The following TMEM45B variants were observed in gnomAD, a reference collection of about 807,000 sequenced individuals.
TMEM45B encodes the protein transmembrane protein 45B.
A neutral mutation model predicts 27.3 loss-of-function variants in TMEM45B; 29 were observed. That is an observed-to-expected ratio of 1.06 (90% CI 0.79 to 1.45). TMEM45B has a LOEUF of 1.45. Ranked by LOEUF, TMEM45B falls within the 40% of genes most tolerant of loss-of-function variation. TMEM45B has a pLI of 0.00. For missense variants in TMEM45B, 348 were observed against 343.9 expected, an observed-to-expected ratio of 1.01 and a Z score of -0.09; for synonymous variants, 143 against 134.7, an observed-to-expected ratio of 1.06 and a Z score of -0.43.
chr11:129,857,694 G>T (rs912400800), intron 5 of TMEM45B, among the ~76,000 whole-genome samples: 1 of 152,162 alleles, frequency 6.6e-6, no homozygotes. Context: ...TTCAAATGCA[G>T]GTCTCACAGA....
At chr11:129,824,615 T>A (rs1277947397) in intron 1 of TMEM45B, among the ~76,000 whole-genome samples, 1 of 152,262 alleles carries the variant, frequency 6.6e-6, no homozygotes, top group Admixed American at 6.5e-5. Flanking sequence ...AGATGAAGGC[T>A]AAGCTGCATC....
At chr11:129,835,123 G>C (rs544756047) in intron 1 of TMEM45B, among the ~76,000 whole-genome samples, 1 of 152,282 alleles carries the variant, frequency 6.6e-6, no homozygotes, top group Non-Finnish European at 1.5e-5. Context: ...GCTGCTCATA[G>C]TAAAATATGA....
chr11:129,818,181 G>A (rs1947375084), intron 1 of TMEM45B, among the ~76,000 whole-genome samples: 1 of 152,184 alleles, frequency 6.6e-6, no homozygotes. Flanking sequence ...ACTGAGGCTA[G>A]AAACAAACAC....
chr11:129,834,380 G>C (rs1453235719), intron 1 of TMEM45B, among the ~76,000 whole-genome samples: 4 of 151,854 alleles, frequency 2.6e-5, no homozygotes, highest in Non-Finnish European at 5.9e-5. Flanking sequence ...GCAGTGAGCT[G>C]AGATCACGCC....
At chr11:129,847,412 T>TTTTTTATTTTA (rs1466881006) in intron 1 of TMEM45B, among the ~76,000 whole-genome samples, 8 of 151,490 alleles carry the variant, frequency 5.3e-5, no homozygotes, top group Admixed American at 2.0e-4. Context: ...AAGTTATTTT[T>TTTTTTATTTTA]TTTTATTTTT....
In TMEM45B at chr11:129,815,906, G is replaced by C; in HGVS notation, c.-9+8G>C. The C allele has an allele frequency of 7.8e-7, 1 of 1,277,258 alleles. No homozygotes were observed. Among genetic ancestry groups the C allele is most frequent in the Non-Finnish European group, 9.8e-7 (1 of 1,017,396 alleles). 79.1% of individuals were successfully genotyped at this position (1,277,258 alleles called of 1,614,324 possible). ...GCGAGGCGCTGGGCACAGGTCAGAC[G>C]TCCGTACCCGCAGGGGGCTCGAACC... On this transcript the variant is annotated splice_region_variant and intron_variant, in intron 1 of 5. Transcript: ENST00000281441.
chr11:129,856,145 G>T (rs897014143), intron 4 of TMEM45B, among the ~76,000 whole-genome samples: 1 of 152,190 alleles, frequency 6.6e-6, no homozygotes. Flanking sequence ...CCTCCCCAGA[G>T]GATGGGCTGA....
At chr11:129,837,585 C>CTT (rs200040338) in intron 1 of TMEM45B, among the ~76,000 whole-genome samples, 5 of 80,294 alleles carry the variant, frequency 6.2e-5, no homozygotes, top group East Asian at 4.5e-4. Flanking sequence ...CTGCACTGGG[C>CTT]TTTTTTTTTT....
In TMEM45B at chr11:129,857,431, T is replaced by C. The variant is rs764848224; in HGVS notation, c.689T>C (p.Val230Ala). ...CACTACCTGGCTGCCCTCAGCATTGTGGCCGTCAACTATTCTCTTGTTTAC... is the reference window on the plus strand; with the variant it reads ...CACTACCTGGCTGCCCTCAGCATTGCGGCCGTCAACTATTCTCTTGTTTAC... Reference protein sequence around the residue: ...CWHYLAALSIVAVNYSLVYCL... With the variant: ...CWHYLAALSIAAVNYSLVYCL... The change falls in exon 5 of 6, where the codon GTG (valine) becomes GCG (alanine). Residue 230 changes from valine to alanine, a missense_variant. Val to Ala is a moderately conservative substitution (Grantham distance 64). Coordinates refer to ENST00000281441, the MANE Select transcript of TMEM45B (RefSeq NM_138788.5). 8 of 1,614,206 alleles carry C rather than the reference T, an allele frequency of 5.0e-6. No homozygotes were observed. The South Asian group carries it at 7.7e-5, about 16-fold the overall frequency.
At position 129,855,815 on chromosome 11, in the gene TMEM45B, G is replaced by A; in HGVS notation, c.493G>A (p.Val165Met). ...AGGGTGTGTTAGTATCTCCCTAGAGGTGATCTTCCGGGACCACATTGTGCT... is the reference window on the plus strand; with the variant it reads ...AGGGTGTGTTAGTATCTCCCTAGAGATGATCTTCCGGGACCACATTGTGCT... ...FGGCVSISLE[V>M]IFRDHIVLEL... Residue 165 changes from valine to methionine, a missense_variant, in exon 4 of 6, where the codon GTG (valine) becomes ATG (methionine). Transcript: ENST00000281441. The A allele has an allele frequency of 1.2e-6, 2 of 1,614,140 alleles. No homozygotes were observed. The highest frequency in any genetic ancestry group is 1.7e-6 in the Non-Finnish European group (2 of 1,180,036).
intron 1 of TMEM45B, among the ~76,000 whole-genome samples, chr11:129,845,656 C>A (rs1314012492): frequency 4.6e-5 from 7 of 151,948 alleles, no homozygotes; most frequent in Non-Finnish European, 1.0e-4. Flanking sequence ...AGCAAAATGA[C>A]AACTATAAAT....
chr11:129,854,499 A>C (rs2135603588), intron 2 of TMEM45B, 111 bp from the exon 3 acceptor site: 1 of 1,081,186 alleles, frequency 9.2e-7, no homozygotes, highest in Non-Finnish European at 1.4e-6. Context: ...CCCGCGGGCC[A>C]CCCTCACCTC....
Position 129,847,985 on chromosome 11 carries a change from T to C in TMEM45B, c.-8-4490T>C, listed in dbSNP as rs573528764. 5.8e-3 allele frequency among the ~76,000 whole-genome samples: 874 copies of C among 151,510 alleles called. 1 individual carries two copies. The highest frequency in any genetic ancestry group is 0.015 in the South Asian group (72 of 4,756). The stretch of plus-strand genomic sequence containing the variant: ...GCGGCCGGGCAGAGACGCTCCTCAC[T>C]TCCTAGATGGGATGGCGGCCGGGCA... On this transcript the variant is annotated intron_variant, in intron 1 of 5. Coordinates refer to ENST00000281441, the MANE Select transcript of TMEM45B (RefSeq NM_138788.5).
At chr11:129,853,335 G>A (rs968071038) in intron 2 of TMEM45B, among the ~76,000 whole-genome samples, 6 of 152,264 alleles carry the variant, frequency 3.9e-5, no homozygotes, top group Non-Finnish European at 8.8e-5. Flanking sequence ...TGGGGGGAAT[G>A]AGGGGTCTTA....
intron 1 of TMEM45B, among the ~76,000 whole-genome samples, chr11:129,820,014 A>T (rs969271468): frequency 1.3e-5 from 2 of 152,146 alleles, no homozygotes; most frequent in African/African-American, 4.8e-5. Flanking sequence ...TTGCCAATAC[A>T]TCAAAATAAG....
intron 1 of TMEM45B, among the ~76,000 whole-genome samples, chr11:129,830,115 G>A (rs1311434468): frequency 6.6e-6 from 1 of 152,228 alleles, no homozygotes; most frequent in Admixed American, 6.5e-5. Context: ...ATCACCTGAA[G>A]TTAGCAGTTC....
At chr11:129,837,089 G>T (rs775370253) in intron 1 of TMEM45B, among the ~76,000 whole-genome samples, 1 of 152,018 alleles carries the variant, frequency 6.6e-6, no homozygotes, top group East Asian at 1.9e-4. Context: ...TCCTGCTCTC[G>T]CCCAGGCCTG....
At chr11:129,822,836 T>C (rs1461941154) in intron 1 of TMEM45B, among the ~76,000 whole-genome samples, 1 of 144,878 alleles carries the variant, frequency 6.9e-6, no homozygotes. Context: ...TGGGAAAACA[T>C]TTTTCTTTTT....
At chr11:129,839,370 G>A (rs775614019) in intron 1 of TMEM45B, among the ~76,000 whole-genome samples, 1 of 152,094 alleles carries the variant, frequency 6.6e-6, no homozygotes, top group Non-Finnish European at 1.5e-5. Flanking sequence ...CATCTATAGG[G>A]AAGACCTGAG....
Sources: allele counts gnomAD v4.1 joint callset (sites outside exome capture counted in the v4.1 genomes callset), GRCh38; gene constraint gnomAD v4.1.1; transcripts MANE v1.5; gene names NCBI Gene and HGNC (gene_info 2026-07-23, HGNC 2026-07-21).